The following CLSTN2 variants were observed in gnomAD, a reference collection of about 807,000 sequenced individuals.
CLSTN2 encodes calsyntenin 2.
Under a neutral mutation model 101.2 loss-of-function variants are expected in CLSTN2, and 48 were observed. The ratio of observed to expected loss-of-function variants is 0.47; its 90% confidence interval spans 0.38 to 0.60. The LOEUF is 0.60. Among genes scored for constraint, CLSTN2 ranks in the 20% least tolerant of loss-of-function variants. The probability of loss-of-function intolerance (pLI) is 0.00; values close to 1 mark genes in which losing one functional copy is unlikely to be tolerated. For synonymous variants in CLSTN2, 481 were observed against 463.6 expected, an observed-to-expected ratio of 1.04 and a Z score of -0.48; for missense variants, 1,160 against 1,238.2, an observed-to-expected ratio of 0.94 and a Z score of 0.95.
In CLSTN2 at chr3:140,127,025, A is replaced by AT. The variant is rs1220962733; in HGVS notation, c.110-48925dup. ...CACTATGTGTCATTATATGTGTCATATATATATATCATGTGTCATTATATG... is the reference window on the plus strand; with the variant it reads ...CACTATGTGTCATTATATGTGTCATATTATATATATCATGTGTCATTATATG... On this transcript the variant is annotated intron_variant, in intron 1 of 16. Coordinates refer to ENST00000458420, the MANE Select transcript of CLSTN2 (RefSeq NM_022131.3). Among the ~76,000 whole-genome samples the AT allele has an allele frequency of 3.0e-5, 3 of 101,352 alleles. No homozygotes were observed. In the East Asian group the frequency reaches 1.4e-3, roughly 47 times the overall value. 66.5% of individuals were successfully genotyped at this position (101,352 alleles called of 152,430 possible).
intron 6 of CLSTN2, chr3:140,449,916 G>T (rs1933201048): frequency 6.6e-6 from 1 of 152,344 alleles, no homozygotes; most frequent in Non-Finnish European, 1.5e-5. Context: ...GGGTGAGGGT[G>T]ACGGTAGACA....
chr3:140,511,734 T>TA (rs1934819442), intron 8 of CLSTN2, among the ~76,000 whole-genome samples: 1 of 149,890 alleles, frequency 6.7e-6, no homozygotes, highest in African/African-American at 2.5e-5. Flanking sequence ...TTTTTTTGTA[T>TA]TTTTAGTAGA....
At chr3:140,483,326 G>A (rs1040443756) in intron 8 of CLSTN2, among the ~76,000 whole-genome samples, 13 of 152,088 alleles carry the variant, frequency 8.5e-5, no homozygotes, top group African/African-American at 1.7e-4. Context: ...TATAATTTCT[G>A]TTCTTTTATA....
At chr3:140,396,166 C>T (rs758874562) in intron 2 of CLSTN2, among the ~76,000 whole-genome samples, 5 of 152,224 alleles carry the variant, frequency 3.3e-5, no homozygotes, top group South Asian at 2.1e-4. Flanking sequence ...CCCATCACTG[C>T]GATGAGCAAA....
intron 1 of CLSTN2, among the ~76,000 whole-genome samples, chr3:140,036,758 G>T (rs1044505689): frequency 9.9e-5 from 15 of 151,474 alleles, no homozygotes; most frequent in Admixed American, 5.3e-4. Flanking sequence ...CAGATAGAAT[G>T]CAAGGCATCT....
rs144070917 is a variant in CLSTN2 at position 140,080,074 on chromosome 3, A to C, written c.110-95877A>C. On this transcript the variant is annotated intron_variant, in intron 1 of 16. Coordinates refer to ENST00000458420, the MANE Select transcript of CLSTN2 (RefSeq NM_022131.3). ...AGATTGAGAACAAAATATGTAATGT[A>C]GATTCAAGTTGCACAGCTAGAGTGA... Among the ~76,000 whole-genome samples, 672 of 152,330 alleles carry C rather than the reference A, an allele frequency of 4.4e-3. 6 individuals carry two copies. Among genetic ancestry groups the C allele is most frequent in the African/African-American group, 0.015 (640 of 41,574 alleles).
chr3:140,062,601 T>A (rs144360910), intron 1 of CLSTN2, among the ~76,000 whole-genome samples: 1 of 152,302 alleles, frequency 6.6e-6, no homozygotes, highest in African/African-American at 2.4e-5. Context: ...ATAGATAGCT[T>A]TTTATTTTCC....
chr3:140,448,890 C>T (rs2108009165), intron 6 of CLSTN2, among the ~76,000 whole-genome samples, 186 bp downstream of exon 6: 1 of 152,300 alleles, frequency 6.6e-6, no homozygotes, highest in East Asian at 1.9e-4. Context: ...TGGCAGTAGA[C>T]TCCTGACTCA....
intron 3 of CLSTN2, 86 bp downstream of exon 3, chr3:140,403,910 A>G (rs760617131): frequency 7.1e-6 from 8 of 1,126,998 alleles, no homozygotes; most frequent in African/African-American, 4.7e-5. Flanking sequence ...AGATATGTTT[A>G]CCCTCTTGTC....
At chr3:140,079,277 A>T (rs541193808) in intron 1 of CLSTN2, among the ~76,000 whole-genome samples, 3 of 152,152 alleles carry the variant, frequency 2.0e-5, no homozygotes, top group African/African-American at 7.2e-5. Flanking sequence ...GCCAAGAAAG[A>T]GTTGTATGGT....
intron 2 of CLSTN2, among the ~76,000 whole-genome samples, chr3:140,311,824 T>C (rs1307870221): frequency 6.6e-6 from 1 of 152,146 alleles, no homozygotes; most frequent in East Asian, 1.9e-4. Context: ...CAACCCCAGA[T>C]CCTGGGCTCC....
intron 2 of CLSTN2, among the ~76,000 whole-genome samples, chr3:140,383,951 G>A (rs1173617458): frequency 6.6e-6 from 1 of 152,222 alleles, no homozygotes; most frequent in Non-Finnish European, 1.5e-5. Context: ...GAAGGAAAAT[G>A]TCAAAGCAGG....
chr3:140,481,948 C>T (rs1054456974), intron 8 of CLSTN2, among the ~76,000 whole-genome samples: 3 of 152,158 alleles, frequency 2.0e-5, no homozygotes, highest in Non-Finnish European at 4.4e-5. Context: ...ATTTCTTTCT[C>T]CTGCCTGATT....
chr3:140,374,265 G>T (rs1265857788), intron 2 of CLSTN2, among the ~76,000 whole-genome samples: 1 of 152,118 alleles, frequency 6.6e-6, no homozygotes, highest in Non-Finnish European at 1.5e-5. Context: ...TCTGTTCTAT[G>T]TCTCTGCTTA....
intron 5 of CLSTN2, among the ~76,000 whole-genome samples, chr3:140,431,702 G>A (rs886661758): frequency 1.3e-5 from 2 of 152,166 alleles, no homozygotes; most frequent in African/African-American, 4.8e-5. Flanking sequence ...CCACACAGGG[G>A]TAGGTGATGG....
intron 2 of CLSTN2, among the ~76,000 whole-genome samples, chr3:140,211,427 G>GTA (rs879873578): frequency 0.016 from 328 of 20,362 alleles, 2 homozygotes; most frequent in Non-Finnish European, 0.022. Flanking sequence ...CACACACACA[G>GTA]TATATATATA....
chr3:140,506,860 T>G (rs572049873), intron 8 of CLSTN2: 1 of 152,316 alleles, frequency 6.6e-6, no homozygotes, highest in African/African-American at 2.4e-5. Flanking sequence ...TGTAATAATT[T>G]TTAATATTAA....
At chr3:140,274,913 G>C (rs1213796798) in intron 2 of CLSTN2, among the ~76,000 whole-genome samples, 1 of 152,198 alleles carries the variant, frequency 6.6e-6, no homozygotes, top group Non-Finnish European at 1.5e-5. Context: ...ATGGAGGCAG[G>C]GAACAGGGTG....
At chr3:140,529,311 T>C (rs1361251524) in intron 8 of CLSTN2, among the ~76,000 whole-genome samples, 3 of 152,224 alleles carry the variant, frequency 2.0e-5, no homozygotes, top group African/African-American at 7.2e-5. Context: ...CATCTGCAGG[T>C]GTCCAGAGAT....
Sources: gnomAD v4.1 joint callset for allele counts (sites outside exome capture counted in the v4.1 genomes callset) on GRCh38, gnomAD v4.1.1 for gene constraint, MANE v1.5 for transcripts, NCBI Gene and HGNC (gene_info 2026-07-23, HGNC 2026-07-21) for gene names.